Variants in RAB2A observed in about 807,000 individuals in gnomAD.
RAB2A encodes ras-related protein Rab-2A.
In RAB2A, 7 loss-of-function variants were observed where a neutral mutation model predicts 32.5. The observed-to-expected ratio is 0.22, with a 90% CI of 0.12 to 0.40. The LOEUF (loss-of-function observed/expected upper bound fraction) is 0.40, where lower values mean the gene tolerates loss of function less well. Ranked by LOEUF, RAB2A falls within the 10% of genes least tolerant of loss-of-function variation. The pLI, the probability that RAB2A is intolerant of heterozygous loss-of-function variation, is 1.00. For synonymous variants in RAB2A, 79 were observed against 85.2 expected, an observed-to-expected ratio of 0.93 and a Z score of 0.40; for missense variants, 108 against 260.7, an observed-to-expected ratio of 0.41 and a Z score of 4.03.
At chr8:60,598,597 G>A (rs747544665) in intron 6 of RAB2A, among the ~76,000 whole-genome samples, 1 of 152,184 alleles carries the variant, frequency 6.6e-6, no homozygotes, top group Admixed American at 6.5e-5. Context: ...TTCCAGGGAT[G>A]CAAGGCTTGC....
At chr8:60,541,922 A>G (rs552042494) in intron 1 of RAB2A, among the ~76,000 whole-genome samples, 3 of 152,266 alleles carry the variant, frequency 2.0e-5, no homozygotes, top group East Asian at 1.9e-4. Context: ...AACAGAGGCT[A>G]TTGTGTTTTT....
At chr8:60,588,793 C>T (rs547680705) in intron 5 of RAB2A, among the ~76,000 whole-genome samples, 1 of 152,228 alleles carries the variant, frequency 6.6e-6, no homozygotes, top group South Asian at 2.1e-4. Flanking sequence ...TCTTTTATGT[C>T]TGTTACACCT....
At chr8:60,565,325 G>A (rs537921978) in intron 2 of RAB2A, among the ~76,000 whole-genome samples, 4 of 151,396 alleles carry the variant, frequency 2.6e-5, no homozygotes, top group African/African-American at 9.7e-5. Context: ...AGACTGAGGC[G>A]GGAGGATTGC....
chr8:60,556,121 A>G (rs1174767859), intron 1 of RAB2A, among the ~76,000 whole-genome samples: 1 of 152,198 alleles, frequency 6.6e-6, no homozygotes, highest in Non-Finnish European at 1.5e-5. Flanking sequence ...AAAAGTAAAT[A>G]CTGCATGTTC....
intron 1 of RAB2A, chr8:60,551,857 T>A (rs1179571360): frequency 2.7e-5 from 1 of 36,972 alleles, no homozygotes; most frequent in Non-Finnish European, 4.0e-5. Context: ...CATGCCTTGA[T>A]TTTTTTTTTT....
chr8:60,603,767 T>A (rs2150433841), intron 6 of RAB2A, among the ~76,000 whole-genome samples: 1 of 152,290 alleles, frequency 6.6e-6, no homozygotes. Flanking sequence ...ATGCCTGTAA[T>A]CCTGGTATTT....
intron 1 of RAB2A, among the ~76,000 whole-genome samples, chr8:60,529,254 G>C (rs1379396594): frequency 6.6e-6 from 1 of 152,154 alleles, no homozygotes; most frequent in Non-Finnish European, 1.5e-5. Context: ...TTCCATATGT[G>C]CTTGAAAATA....
At chr8:60,548,966 G>T (rs1227913510) in intron 1 of RAB2A, among the ~76,000 whole-genome samples, 1 of 151,448 alleles carries the variant, frequency 6.6e-6, no homozygotes, top group African/African-American at 2.4e-5. Flanking sequence ...TCTCAGACGG[G>T]GCGGCAGGGC....
chr8:60,523,302 C>G (rs978317351), intron 1 of RAB2A, among the ~76,000 whole-genome samples: 3 of 151,906 alleles, frequency 2.0e-5, no homozygotes, highest in Non-Finnish European at 2.9e-5. Context: ...GGACTACAGG[C>G]GCCCGCCACC....
intron 6 of RAB2A, among the ~76,000 whole-genome samples, chr8:60,598,578 T>C (rs181492683): frequency 1.8e-4 from 28 of 152,248 alleles, no homozygotes; most frequent in African/African-American, 6.5e-4. Flanking sequence ...CATGGCCACA[T>C]GGGGTTTATT....
chr8:60,604,960 A>G (rs1804200080), intron 6 of RAB2A, among the ~76,000 whole-genome samples: 1 of 152,224 alleles, frequency 6.6e-6, no homozygotes, highest in South Asian at 2.1e-4. Context: ...AGCCATGACA[A>G]TGGGGAGAAG....
intron 2 of RAB2A, among the ~76,000 whole-genome samples, chr8:60,564,045 C>G (rs139976345): frequency 6.6e-6 from 1 of 152,338 alleles, no homozygotes; most frequent in East Asian, 1.9e-4. Flanking sequence ...ACACTCACAT[C>G]AAGTAAATCC....
At chr8:60,551,845 A>G (rs1358477994) in intron 1 of RAB2A, 1 of 145,832 alleles carries the variant, frequency 6.9e-6, no homozygotes, top group Non-Finnish European at 1.5e-5. Flanking sequence ...AAGATGTGCT[A>G]CCATGCCTTG....
At chr8:60,573,073 T>A (rs1327111564) in intron 3 of RAB2A, among the ~76,000 whole-genome samples, 1 of 102,880 alleles carries the variant, frequency 9.7e-6, no homozygotes, top group Non-Finnish European at 1.7e-5. Flanking sequence ...AAATCCAGCC[T>A]CACACAAATA....
chr8:60,605,822 G>A (rs1042929641), intron 6 of RAB2A, among the ~76,000 whole-genome samples: 2 of 105,818 alleles, frequency 1.9e-5, no homozygotes, highest in East Asian at 2.8e-4. Context: ...ATAGGCAAAA[G>A]GGACTAATAC....
intron 3 of RAB2A, among the ~76,000 whole-genome samples, chr8:60,573,175 T>G (rs1808221822): frequency 6.6e-6 from 1 of 152,194 alleles, no homozygotes; most frequent in African/African-American, 2.4e-5. Flanking sequence ...TTTAGGGCAT[T>G]AGGAGATAAT....
chr8:60,565,701 TTTTTTTTTTTTTTTTTTTTTTTTTTTTG>T (rs1808101366), intron 2 of RAB2A, among the ~76,000 whole-genome samples: 2 of 41,710 alleles, frequency 4.8e-5, no homozygotes, highest in Admixed American at 2.3e-4. Context: ...TTTTTTTTTT[TTTTTTTTTTTTTTTTTTTTTTTTTTTTG>T]AGACCAAGTC....
rs1343465193 is a variant in RAB2A, at chr8:60,517,255, T to C, written c.46+2T>C. 1 of 1,487,114 alleles carries C rather than the reference T, an allele frequency of 6.7e-7. No individual in the cohort carries two copies. Among genetic ancestry groups the C allele is most frequent in the South Asian group, 1.3e-5 (1 of 78,000 alleles). 92.1% of individuals were successfully genotyped at this position (1,487,114 alleles called of 1,614,324 possible). On this transcript the variant is annotated splice_donor_variant, in intron 1 of 7. Transcript: ENST00000262646. LOFTEE classifies it high-confidence loss of function. ...AGTACATCATAATCGGCGACACAGG[T>C]GAGGGCCCCGGGCGCGGCCGGGCGG... is the stretch of plus-strand genomic sequence containing the variant.
intron 2 of RAB2A, among the ~76,000 whole-genome samples, chr8:60,561,171 G>T (rs1808019726): frequency 6.6e-6 from 1 of 152,064 alleles, no homozygotes. Flanking sequence ...TAATCTCTGG[G>T]TTTATACCCC....
Sources: allele counts gnomAD v4.1 joint callset (sites outside exome capture counted in the v4.1 genomes callset), GRCh38; gene constraint gnomAD v4.1.1; transcripts MANE v1.5; gene names NCBI Gene and HGNC (gene_info 2026-07-23, HGNC 2026-07-21).